The following LMF1 variants were observed in gnomAD, a reference collection of about 807,000 sequenced individuals.
The protein encoded by LMF1 is transmembrane protein 112.
A neutral mutation model predicts 60.6 loss-of-function variants in LMF1; 68 were observed. The observed-to-expected ratio is 1.12, with a 90% CI of 0.92 to 1.37. The LOEUF is 1.37. LMF1 is among the 40% of genes most tolerant of loss of function. The probability of loss-of-function intolerance (pLI) is 0.00; values close to 1 mark genes in which losing one functional copy is unlikely to be tolerated. For synonymous variants in LMF1, 418 were observed against 324.7 expected, an observed-to-expected ratio of 1.29 and a Z score of -3.09; for missense variants, 948 against 767.2, an observed-to-expected ratio of 1.24 and a Z score of -2.78.
In LMF1 at chr16:879,688, C is replaced by G. The variant is rs1194461279; in HGVS notation, c.779G>C (p.Trp260Ser). 5.0e-6 allele frequency: 8 copies of G among 1,606,116 alleles called. No homozygotes were observed. The Admixed American group carries it at 8.5e-5, about 17-fold the overall frequency. Residue 260 changes from tryptophan (W) to serine (S), a missense_variant, in exon 6 of 11, where the codon TGG becomes TCG. Trp to Ser is a radical substitution (Grantham distance 177). Transcript: ENST00000262301. ...GAGCGTCTCGAAGCGATGGAACCAC[C>G]AGGGTGAGTGGTGCAGGTAGTACGC... ...PVAYYLHHSP[W>S]WFHRFETLSN...
chr16:919,069 C>G (rs953217677), intron 3 of LMF1, among the ~76,000 whole-genome samples: 1 of 152,204 alleles, frequency 6.6e-6, no homozygotes, highest in South Asian at 2.1e-4. Context: ...TGTGGGCAGT[C>G]GGCATGTCGG....
rs765898449 is a variant in LMF1, at chr16:959,983, G to C, written c.194-5317C>G. On this transcript the variant is annotated intron_variant, in intron 1 of 10. Coordinates refer to ENST00000262301, the MANE Select transcript of LMF1 (RefSeq NM_022773.4). ...TACTTACAGATGGATAGGTGGATACGACAGAGAAGCAATCAAATGTGTGAA... is the reference window on the plus strand; with the variant it reads ...TACTTACAGATGGATAGGTGGATACCACAGAGAAGCAATCAAATGTGTGAA... 4.0e-5 allele frequency among the ~76,000 whole-genome samples: 6 copies of C among 151,812 alleles called. No homozygotes were observed. The South Asian group carries it at 1.2e-3, about 31-fold the overall frequency.
rs3054320 is a variant in LMF1, at chr16:861,016, G to GT, written c.1530-6311dup. Among the ~76,000 whole-genome samples, 1,108 of 146,854 alleles carry GT rather than the reference G, an allele frequency of 7.5e-3. 7 individuals are homozygous for GT. The highest frequency in any genetic ancestry group is 9.6e-3 in the East Asian group (49 of 5,080). On this transcript the variant is annotated intron_variant, in intron 10 of 10. Coordinates refer to ENST00000262301, the MANE Select transcript of LMF1 (RefSeq NM_022773.4). Reference sequence around the variant, plus strand: ...CTTACCTATTAACACATCTTGCTGGGTTTTTTTTTTAATAGGAATTGCATT... The same window carrying GT: ...CTTACCTATTAACACATCTTGCTGGGTTTTTTTTTTTAATAGGAATTGCATT...
intron 1 of LMF1, among the ~76,000 whole-genome samples, chr16:956,523 G>A (rs1434870842): frequency 6.6e-6 from 1 of 152,240 alleles, no homozygotes; most frequent in Non-Finnish European, 1.5e-5. Context: ...AAAAGAAAGT[G>A]GAAGTGGCTC....
intron 1 of LMF1, chr16:979,832 A>G: frequency 2.2e-6 from 1 of 447,288 alleles, no homozygotes; most frequent in Non-Finnish European, 4.5e-6. Flanking sequence ...CTTCCACTTA[A>G]ACCCCCACTT....
At chr16:943,443 A>AGGCTGGGT (rs2072159385) in intron 2 of LMF1, among the ~76,000 whole-genome samples, 3 of 147,366 alleles carry the variant, frequency 2.0e-5, no homozygotes, top group Non-Finnish European at 4.5e-5. Flanking sequence ...GACCACTACT[A>AGGCTGGGT]GGCTGGGTGT....
At position 879,752 on chromosome 16, in the gene LMF1, G is replaced by A. The variant is rs561808058; in HGVS notation, c.730-15C>T. The A allele has an allele frequency of 1.9e-6, 3 of 1,565,792 alleles. No individual in the cohort carries two copies. Among genetic ancestry groups the A allele is most frequent in the East Asian group, 2.4e-5 (1 of 42,214 alleles). ...ATCGGCTGGGTCTGCAGGGACAGGAGGGGCCGTGAGGTGCCTGGCCGATCT... is the reference window on the plus strand; with the variant it reads ...ATCGGCTGGGTCTGCAGGGACAGGAAGGGCCGTGAGGTGCCTGGCCGATCT... On this transcript the variant is annotated splice_polypyrimidine_tract_variant and intron_variant, in intron 5 of 10. Transcript: ENST00000262301.
chr16:976,760 C>T (rs1221609134), intron 1 of LMF1: 8 of 454,012 alleles, frequency 1.8e-5, no homozygotes, highest in Non-Finnish European at 3.1e-5. Context: ...CCGACACATC[C>T]GTGATCTGGG....
At chr16:865,945 A>T (rs568339244) in intron 10 of LMF1, among the ~76,000 whole-genome samples, 1 of 152,140 alleles carries the variant, frequency 6.6e-6, no homozygotes, top group East Asian at 1.9e-4. Context: ...TGTGTCAGTT[A>T]TATTTTTCAC....
intron 5 of LMF1, among the ~76,000 whole-genome samples, chr16:880,342 AGGAGGAAGGGTG>A (rs150479265): frequency 0.037 from 5,577 of 152,270 alleles, 322 homozygotes; most frequent in Admixed American, 0.16. Flanking sequence ...CAGCCCAGCC[AGGAGGAAGGGTG>A]GGAACTTGCC....
chr16:884,887 G>C (rs113713431), intron 5 of LMF1: 2 of 148,016 alleles, frequency 1.4e-5, no homozygotes, highest in African/African-American at 2.6e-5. Flanking sequence ...AATGATCACG[G>C]ATGGAAGCCT....
At chr16:981,024 C>T (rs1357727334) in intron 1 of LMF1, 1 of 215,016 alleles carries the variant, frequency 4.7e-6, no homozygotes, top group Admixed American at 6.5e-5. Flanking sequence ...CGCTCCCGCC[C>T]CCTCCAGCTG....
intron 2 of LMF1, among the ~76,000 whole-genome samples, chr16:953,439 G>C (rs112088725): frequency 0.32 from 2,446 of 7,748 alleles, 524 homozygotes; most frequent in East Asian, 0.63. Flanking sequence ...ACACAGACAC[G>C]GACCCCACAC....
intron 1 of LMF1, among the ~76,000 whole-genome samples, chr16:969,773 G>A (rs1347857524): frequency 6.6e-6 from 1 of 152,230 alleles, no homozygotes; most frequent in African/African-American, 2.4e-5. Flanking sequence ...ACTCATTTGA[G>A]AGCCTCACTT....
At chr16:898,363 C>T (rs369666580) in intron 4 of LMF1, among the ~76,000 whole-genome samples, 142 of 152,350 alleles carry the variant, frequency 9.3e-4, no homozygotes, top group African/African-American at 2.5e-3. Context: ...AGGGGACCCA[C>T]GCTGCGGGCA....
chr16:924,412 T>A (rs1017820930), intron 3 of LMF1, among the ~76,000 whole-genome samples: 1 of 152,064 alleles, frequency 6.6e-6, no homozygotes, highest in African/African-American at 2.4e-5. Flanking sequence ...ACATGCCCAT[T>A]TTTTTTTAAT....
chr16:924,079 A>C (rs1246185844), intron 3 of LMF1, among the ~76,000 whole-genome samples: 2 of 152,208 alleles, frequency 1.3e-5, no homozygotes, highest in Non-Finnish European at 2.9e-5. Context: ...CACAATATTT[A>C]CAGAGTCAAA....
intron 1 of LMF1, among the ~76,000 whole-genome samples, chr16:977,310 C>G (rs1181183744): frequency 6.6e-6 from 1 of 152,178 alleles, no homozygotes; most frequent in African/African-American, 2.4e-5. Flanking sequence ...TCCAAGTGTG[C>G]GTGGCCAAGA....
intron 5 of LMF1, among the ~76,000 whole-genome samples, chr16:882,065 C>T (rs1040541485): frequency 3.3e-5 from 5 of 152,200 alleles, no homozygotes; most frequent in Admixed American, 2.0e-4. Flanking sequence ...TTGCCACGGG[C>T]TCTCAGAACC....
Sources: allele counts gnomAD v4.1 joint callset (sites outside exome capture counted in the v4.1 genomes callset), GRCh38; gene constraint gnomAD v4.1.1; transcripts MANE v1.5; gene names NCBI Gene and HGNC (gene_info 2026-07-23, HGNC 2026-07-21).